TRIM40: variants seen among roughly 807,000 people sequenced by gnomAD.
TRIM40 encodes E3 ubiquitin ligase TRIM40.
A neutral mutation model predicts 26.1 loss-of-function variants in TRIM40; 27 were observed. The ratio of observed to expected loss-of-function variants is 1.04; its 90% CI spans 0.76 to 1.43. The LOEUF is 1.43. Among genes scored for constraint, TRIM40 ranks in the 40% most tolerant of loss-of-function variants. TRIM40 has a pLI of 0.00. For missense variants in TRIM40, 289 were observed against 307.9 expected, an observed-to-expected ratio of 0.94 and a Z score of 0.46; for synonymous variants, 114 against 120.0, an observed-to-expected ratio of 0.95 and a Z score of 0.33.
chr6:30,136,817 G>A lies in TRIM40; in HGVS notation c.-220G>A, dbSNP rs1359745982. 8 of 563,854 alleles carry A rather than the reference G, an allele frequency of 1.4e-5. No homozygotes were observed. Among genetic ancestry groups the A allele is most frequent in the African/African-American group, 7.5e-5 (4 of 53,586 alleles). 34.9% of individuals were successfully genotyped at this position (563,854 alleles called of 1,614,324 possible). A position where few individuals can be genotyped will look rare whatever the true frequency, so the allele number is the denominator to read the frequency against. On this transcript the variant is annotated 5_prime_UTR_variant, in exon 2 of 6. In the 5' UTR this introduces an upstream ATG that the reference lacks. Coordinates refer to ENST00000396581, the MANE Select transcript of TRIM40 (RefSeq NM_001286633.2). ...AGCTGATGAGCTATTTCTGAAACTC[G>A]TGCAGAATTGTGGTTTGTGTGGTCT...
At chr6:30,144,934 T>C (rs369973567) in intron 2 of TRIM40, among the ~76,000 whole-genome samples, 3 of 152,122 alleles carry the variant, frequency 2.0e-5, no homozygotes, top group East Asian at 1.9e-4. Context: ...TACTTCCCAC[T>C]CCTATGACTT....
In TRIM40 at chr6:30,136,958, T is replaced by C. The variant is rs991245177; in HGVS notation, c.-79T>C. On this transcript the variant is annotated 5_prime_UTR_variant, in exon 2 of 6. Coordinates refer to ENST00000396581, the MANE Select transcript of TRIM40 (RefSeq NM_001286633.2). ...GACTGGGCCTTCTTATCTGGGACTG[T>C]TGAGGGCAACAGGCCTTCCGAAGAC... The C allele has an allele frequency of 2.8e-6, 4 of 1,448,862 alleles. No homozygotes were observed. Among genetic ancestry groups the C allele is most frequent in the East Asian group, 4.7e-5 (2 of 42,978 alleles). 89.8% of individuals were successfully genotyped at this position (1,448,862 alleles called of 1,614,324 possible).
chr6:30,147,657 T>C, intron 5 of TRIM40, 68 bp from the exon 6 acceptor site: 1 of 1,605,518 alleles, frequency 6.2e-7, no homozygotes, highest in Admixed American at 1.7e-5. Flanking sequence ...TGATGCTACA[T>C]GGCCAATGGA....
chr6:30,146,764 C>T (rs1771689063), intron 3 of TRIM40, among the ~76,000 whole-genome samples: 1 of 152,196 alleles, frequency 6.6e-6, no homozygotes, highest in African/African-American at 2.4e-5. Context: ...TCCTCTTGGT[C>T]ACATGGCATC....
Position 30,147,743 on chromosome 6 carries a change from A to G in TRIM40, c.708A>G (p.Leu236=), listed in dbSNP as rs1771758298. 1 of 1,614,188 alleles carries G rather than the reference A, an allele frequency of 6.2e-7. No individual in the cohort carries two copies. The highest frequency in any genetic ancestry group is 8.5e-7 in the Non-Finnish European group (1 of 1,180,014). Residue 236 remains leucine, a synonymous_variant, in exon 6 of 6, where the codon TTA becomes TTG. Coordinates refer to ENST00000396581, the MANE Select transcript of TRIM40 (RefSeq NM_001286633.2). ...DLLNRSAPQK[L]EVIYPQLEKG... ...TTTCTAGGAGTGCTCCACAGAAATT[A>G]GAGGTTATTTATCCCCAGTTGGAGA...
chr6:30,142,320 T>C (rs1771394696), intron 2 of TRIM40, among the ~76,000 whole-genome samples: 1 of 152,180 alleles, frequency 6.6e-6, no homozygotes, highest in African/African-American at 2.4e-5. Flanking sequence ...ATTTTGCTGG[T>C]TTAGTAAGTG....
At chr6:30,144,369 C>T (rs1376957840) in intron 2 of TRIM40, among the ~76,000 whole-genome samples, 1 of 152,050 alleles carries the variant, frequency 6.6e-6, no homozygotes, top group Admixed American at 6.5e-5. Context: ...TTTGATTCTA[C>T]CATATTGATT....
At chr6:30,139,212 T>C (rs1205013623) in intron 2 of TRIM40, among the ~76,000 whole-genome samples, 2 of 152,232 alleles carry the variant, frequency 1.3e-5, no homozygotes, top group African/African-American at 2.4e-5. Flanking sequence ...AGTAAGTTCC[T>C]GCTGTGTGTG....
chr6:30,145,695 T>C (rs1485944652), intron 2 of TRIM40, among the ~76,000 whole-genome samples: 1 of 152,218 alleles, frequency 6.6e-6, no homozygotes, highest in Non-Finnish European at 1.5e-5. Flanking sequence ...ATAACTTTTG[T>C]ATGTTGAGAG....
chr6:30,147,620 C>A (rs1305846340), intron 5 of TRIM40, 78 bp downstream of exon 5: 21 of 1,611,708 alleles, frequency 1.3e-5, no homozygotes, highest in African/African-American at 2.7e-5. Context: ...GTCAAGGAGA[C>A]CCACTGCTCC....
chr6:30,148,697 G>A lies in TRIM40; in HGVS notation c.*885G>A, dbSNP rs1167879255. 1 of 152,228 alleles carries A rather than the reference G, an allele frequency of 6.6e-6. No homozygotes were observed. The highest frequency in any genetic ancestry group is 1.5e-5 in the Non-Finnish European group (1 of 68,084). 9.4% of individuals were successfully genotyped at this position (152,228 alleles called of 1,614,324 possible). On this transcript the variant is annotated 3_prime_UTR_variant, in exon 6 of 6. Transcript: ENST00000396581. ...GCTGTGCCAAAATTTCCCACCCACA[G>A]AAACAGTGTGACAATAAATGTGTGT...
rs375854030 is a variant in TRIM40, at chr6:30,146,140, C to T, written c.441+51C>T. 904 of 1,419,832 alleles carry T rather than the reference C, an allele frequency of 6.4e-4. 3 individuals carry two copies. Among genetic ancestry groups the T allele is most frequent in the South Asian group, 6.2e-3 (513 of 83,348 alleles). 88.0% of individuals were successfully genotyped at this position (1,419,832 alleles called of 1,614,324 possible). A position where few individuals can be genotyped will look rare whatever the true frequency, so the allele number is the denominator to read the frequency against. On this transcript the variant is annotated intron_variant, in intron 3 of 5. Coordinates refer to ENST00000396581, the MANE Select transcript of TRIM40 (RefSeq NM_001286633.2). Reference sequence around the variant, plus strand: ...GACTCCCTGGAGTGTTCTCAGGAGCCCTTACTTAACTATTCTGGACATCTG... The same window carrying T: ...GACTCCCTGGAGTGTTCTCAGGAGCTCTTACTTAACTATTCTGGACATCTG...
Position 30,148,031 on chromosome 6 carries a change from T to A in TRIM40, c.*219T>A. ...CCTCCTTCCAGGACAGGCTCATGCT[T>A]GGGGCTGCCACTGTGGAGGTCGGGG... On this transcript the variant is annotated 3_prime_UTR_variant, in exon 6 of 6. Transcript: ENST00000396581. 3.4e-6 allele frequency: 2 copies of A among 592,866 alleles called. No homozygotes were observed. The highest frequency in any genetic ancestry group is 5.5e-5 in the East Asian group (2 of 36,180). 36.7% of individuals were successfully genotyped at this position (592,866 alleles called of 1,614,324 possible).
At chr6:30,146,505 G>A (rs935101666) in intron 3 of TRIM40, among the ~76,000 whole-genome samples, 6 of 151,884 alleles carry the variant, frequency 4.0e-5, no homozygotes, top group Admixed American at 6.6e-5. Flanking sequence ...TCCGCCTCCC[G>A]GGTTCACGCC....
chr6:30,141,595 T>G (rs1180480934), intron 2 of TRIM40, among the ~76,000 whole-genome samples: 1 of 152,114 alleles, frequency 6.6e-6, no homozygotes, highest in African/African-American at 2.4e-5. Flanking sequence ...TTCAGTAAGA[T>G]GGTGGCAGAG....
At chr6:30,139,425 C>G (rs1411641791) in intron 2 of TRIM40, among the ~76,000 whole-genome samples, 1 of 147,806 alleles carries the variant, frequency 6.8e-6, no homozygotes, top group Non-Finnish European at 1.5e-5. Flanking sequence ...CTCACTGCAA[C>G]CTCCGTCTCC....
At chr6:30,145,216 A>T (rs558239198) in intron 2 of TRIM40, among the ~76,000 whole-genome samples, 1 of 151,202 alleles carries the variant, frequency 6.6e-6, no homozygotes, top group African/African-American at 2.4e-5. Context: ...AAAAAAAAAA[A>T]TCTGAAGTGG....
At chr6:30,138,246 C>T (rs985988091) in intron 2 of TRIM40, among the ~76,000 whole-genome samples, 3 of 152,168 alleles carry the variant, frequency 2.0e-5, no homozygotes, top group African/African-American at 7.2e-5. Flanking sequence ...AATTGGCAGA[C>T]ATTGGGTCAT....
chr6:30,136,184 A>G lies in TRIM40; in HGVS notation c.-310A>G, dbSNP rs1562085527. On this transcript the variant is annotated 5_prime_UTR_variant, in exon 1 of 6. Coordinates refer to ENST00000396581, the MANE Select transcript of TRIM40 (RefSeq NM_001286633.2). Reference sequence around the variant, plus strand: ...ATGATCTGAAATTGTAGCAGGAGAAATTGAGGTAGGATACTAAGAAAGCTT... The same window carrying G: ...ATGATCTGAAATTGTAGCAGGAGAAGTTGAGGTAGGATACTAAGAAAGCTT... 1.3e-5 allele frequency: 2 copies of G among 152,336 alleles called. No individual in the cohort carries two copies. The highest frequency in any genetic ancestry group is 2.1e-4 in the South Asian group (1 of 4,828). 9.4% of individuals were successfully genotyped at this position (152,336 alleles called of 1,614,324 possible). A position where few individuals can be genotyped will look rare whatever the true frequency, so the allele number is the denominator to read the frequency against.
Sources: allele counts gnomAD v4.1 joint callset (sites outside exome capture counted in the v4.1 genomes callset), GRCh38; gene constraint gnomAD v4.1.1; transcripts MANE v1.5; gene names NCBI Gene and HGNC (gene_info 2026-07-23, HGNC 2026-07-21).